The following KIF16B variants were observed in gnomAD, a reference collection of about 807,000 sequenced individuals.
KIF16B encodes kinesin-like protein KIF16B.
Under a neutral mutation model 156.3 loss-of-function variants are expected in KIF16B, and 98 were observed. The ratio of observed to expected loss-of-function variants is 0.63; its 90% CI spans 0.53 to 0.74. The LOEUF (loss-of-function observed/expected upper bound fraction) is 0.74. Ranked by LOEUF, KIF16B falls within the 30% of genes least tolerant of loss-of-function variation. KIF16B has a pLI of 0.00. For missense variants in KIF16B, 1,421 were observed against 1,606.5 expected, an observed-to-expected ratio of 0.88 and a Z score of 1.97; for synonymous variants, 564 against 583.7, an observed-to-expected ratio of 0.97 and a Z score of 0.49.
At chr20:16,475,184 G>C (rs1568577653) in intron 12 of KIF16B, among the ~76,000 whole-genome samples, 1 of 152,206 alleles carries the variant, frequency 6.6e-6, no homozygotes, top group Non-Finnish European at 1.5e-5. Context: ...TAGAGTGCCT[G>C]AACCTAAAGT....
At chr20:16,286,807 A>G (rs1161253821) in intron 25 of KIF16B, among the ~76,000 whole-genome samples, 1 of 152,214 alleles carries the variant, frequency 6.6e-6, no homozygotes, top group Non-Finnish European at 1.5e-5. Flanking sequence ...CCAATGAACC[A>G]CATCATGCTT....
At chr20:16,566,221 T>C (rs974504224) in intron 1 of KIF16B, among the ~76,000 whole-genome samples, 1 of 152,226 alleles carries the variant, frequency 6.6e-6, no homozygotes, top group African/African-American at 2.4e-5. Flanking sequence ...CAGAATCCAA[T>C]CGCCATGGGT....
chr20:16,542,023 C>T (rs2070223429), intron 1 of KIF16B, among the ~76,000 whole-genome samples: 1 of 152,184 alleles, frequency 6.6e-6, no homozygotes. Context: ...GTACCAACCT[C>T]CCCTTTAAAA....
At chr20:16,356,567 A>G in intron 22 of KIF16B, 115 bp from the exon 23 acceptor site, 2 of 1,125,384 alleles carry the variant, frequency 1.8e-6, no homozygotes, top group Non-Finnish European at 2.5e-6. Flanking sequence ...AAGAGCATCA[A>G]ACCAGTAGGG....
intron 7 of KIF16B, among the ~76,000 whole-genome samples, chr20:16,507,745 G>C (rs1008343885): frequency 3.9e-5 from 6 of 152,164 alleles, no homozygotes; most frequent in African/African-American, 1.4e-4. Flanking sequence ...TATTTCTTAA[G>C]GGTACACATC....
At chr20:16,501,133 T>C (rs2068609011) in intron 10 of KIF16B, among the ~76,000 whole-genome samples, 1 of 151,850 alleles carries the variant, frequency 6.6e-6, no homozygotes, top group African/African-American at 2.4e-5. Flanking sequence ...ATTCTATGAT[T>C]CTGGTATATA....
At chr20:16,432,850 A>G (rs934983836) in intron 12 of KIF16B, among the ~76,000 whole-genome samples, 1 of 152,234 alleles carries the variant, frequency 6.6e-6, no homozygotes, top group Admixed American at 6.5e-5. Context: ...TGACCAATGC[A>G]TAACTTAGTT....
At chr20:16,522,825 A>G (rs6034516) in intron 3 of KIF16B, among the ~76,000 whole-genome samples, 36,331 of 152,130 alleles carry the variant, frequency 0.24, 4,973 homozygotes, top group East Asian at 0.36. Flanking sequence ...CAGTCTCTCA[A>G]ACCACACTGC....
chr20:16,317,796 C>T (rs1320292561), intron 24 of KIF16B, among the ~76,000 whole-genome samples: 1 of 152,234 alleles, frequency 6.6e-6, no homozygotes, highest in Non-Finnish European at 1.5e-5. Flanking sequence ...CTCACCCTCA[C>T]CTGCATTCTG....
chr20:16,336,142 C>G (rs1443033568), intron 23 of KIF16B, 127 bp from the exon 24 acceptor site: 1 of 623,276 alleles, frequency 1.6e-6, no homozygotes, highest in Non-Finnish European at 2.8e-6. Context: ...GAACTGAAAA[C>G]ATTAATCTAG....
intron 25 of KIF16B, among the ~76,000 whole-genome samples, chr20:16,307,803 T>C (rs781107533): frequency 3.3e-5 from 5 of 152,182 alleles, no homozygotes; most frequent in Non-Finnish European, 5.9e-5. Flanking sequence ...GTTCGAGAAA[T>C]AGAATATTCT....
chr20:16,430,581 A>G (rs1422957846), intron 12 of KIF16B, among the ~76,000 whole-genome samples: 1 of 152,108 alleles, frequency 6.6e-6, no homozygotes, highest in Non-Finnish European at 1.5e-5. Flanking sequence ...TGTGCCTTTT[A>G]GAGAAAACTA....
At chr20:16,302,524 A>C (rs1158478307) in intron 25 of KIF16B, among the ~76,000 whole-genome samples, 1 of 152,142 alleles carries the variant, frequency 6.6e-6, no homozygotes, top group East Asian at 1.9e-4. Context: ...CTTTGTATTA[A>C]GTATTGGAGT....
chr20:16,379,992 C>T lies in KIF16B; in HGVS notation c.2010G>A (p.Lys670=). 6.2e-7 allele frequency: 1 copy of T among 1,610,190 alleles called. No individual in the cohort carries two copies. The highest frequency in any genetic ancestry group is 8.5e-7 in the Non-Finnish European group (1 of 1,178,790). The change falls in exon 19 of 26, where the codon AAG becomes AAA. Residue 670 remains lysine (K), a synonymous_variant. Transcript: ENST00000354981. ...RRSFHIENKL[K]DLLAEKEKFE... ...ATTTTTCCTTCTCCGCAAGTAAATC[C>T]TTTAGCTTGTTCTCGATGTGGAAGC...
chr20:16,383,885 G>GCATT (rs1361523944), intron 17 of KIF16B, among the ~76,000 whole-genome samples: 1 of 152,228 alleles, frequency 6.6e-6, no homozygotes, highest in African/African-American at 2.4e-5. Flanking sequence ...TGAGCACTGG[G>GCATT]CATTCGGATG....
chr20:16,361,010 C>T (rs1402209916), intron 22 of KIF16B, among the ~76,000 whole-genome samples: 2 of 152,176 alleles, frequency 1.3e-5, no homozygotes, highest in African/African-American at 4.8e-5. Context: ...TCAGTATACA[C>T]ATCATGACAA....
intron 22 of KIF16B, among the ~76,000 whole-genome samples, chr20:16,363,114 T>C (rs2064582849): frequency 6.6e-6 from 1 of 152,252 alleles, no homozygotes; most frequent in South Asian, 2.1e-4. Flanking sequence ...AGGAGGCAGA[T>C]ATATGAGAAG....
At chr20:16,456,436 T>A (rs1243259620) in intron 12 of KIF16B, among the ~76,000 whole-genome samples, 1 of 151,212 alleles carries the variant, frequency 6.6e-6, no homozygotes, top group African/African-American at 2.5e-5. Context: ...CTTATTCCAA[T>A]TAAGATACAC....
chr20:16,291,516 TGCTGCAA>T, intron 25 of KIF16B, among the ~76,000 whole-genome samples: 1 of 152,214 alleles, frequency 6.6e-6, no homozygotes, highest in African/African-American at 2.4e-5. Flanking sequence ...TTAGCTGCAA[TGCTGCAA>T]TAGGACACAG....
Sources: allele counts gnomAD v4.1 joint callset (sites outside exome capture counted in the v4.1 genomes callset), GRCh38; gene constraint gnomAD v4.1.1; transcripts MANE v1.5; gene names NCBI Gene and HGNC (gene_info 2026-07-23, HGNC 2026-07-21).